ZNF69: variants seen among roughly 807,000 people sequenced by gnomAD.
The protein encoded by ZNF69 is zinc finger protein 69, also known as ZNF3.
ZNF69 carries 47 observed loss-of-function variants against 50.9 expected under a neutral mutation model. The ratio of observed to expected loss-of-function variants is 0.92; its 90% CI spans 0.73 to 1.18. The LOEUF (loss-of-function observed/expected upper bound fraction) is 1.18, where lower values mean the gene tolerates loss of function less well. Among genes scored for constraint, ZNF69 ranks in the 50% most tolerant of loss-of-function variants. The probability of loss-of-function intolerance (pLI) is 0.00; values close to 1 mark genes in which losing one functional copy is unlikely to be tolerated. For synonymous variants in ZNF69, 216 were observed against 223.1 expected, an observed-to-expected ratio of 0.97 and a Z score of 0.29; for missense variants, 717 against 675.1, an observed-to-expected ratio of 1.06 and a Z score of -0.69.
At chr19:11,898,557 A>G (rs1218225504) in intron 1 of ZNF69, among the ~76,000 whole-genome samples, 1 of 151,558 alleles carries the variant, frequency 6.6e-6, no homozygotes, top group African/African-American at 2.4e-5. Context: ...CACCCAACTA[A>G]TTTTTGTATT....
chr19:11,976,759 G>C, the ZNF69 span: 129 of 643,514 alleles, frequency 2.0e-4, no homozygotes, highest in South Asian at 3.2e-3. Context: ...CCAGCTACTC[G>C]GGAGGCTGAG....
the ZNF69 span, among the ~76,000 whole-genome samples, chr19:11,920,083 G>C: frequency 6.6e-6 from 1 of 151,376 alleles, no homozygotes; most frequent in Non-Finnish European, 1.5e-5. Context: ...ATAACGACTT[G>C]GGACAAAAAA....
the ZNF69 span, among the ~76,000 whole-genome samples, chr19:11,927,923 A>C: frequency 6.6e-6 from 1 of 152,150 alleles, no homozygotes; most frequent in South Asian, 2.1e-4. Flanking sequence ...CTGCTTCCCT[A>C]ACACTTGTAT....
chr19:11,953,092 T>C, the ZNF69 span: 1 of 151,940 alleles, frequency 6.6e-6, no homozygotes, highest in Non-Finnish European at 1.5e-5. Flanking sequence ...ACAAAAAAAA[T>C]TAAAAAAGAG....
chr19:11,942,019 G>A, the ZNF69 span, among the ~76,000 whole-genome samples: 1 of 152,068 alleles, frequency 6.6e-6, no homozygotes, highest in Admixed American at 6.6e-5. Context: ...TTGGCCTCTT[G>A]TGCACTTAGG....
chr19:11,897,304 G>A lies in ZNF69; in HGVS notation c.64-6269G>A, dbSNP rs141534056. ...CAAGGTGGCGGTGAGCCAAGATCAC[G>A]CCATTGCACTCCAGCCTGGGCAACA... On this transcript the variant is annotated intron_variant, in intron 1 of 3. Transcript: ENST00000429654. Among the ~76,000 whole-genome samples, 607 of 152,168 alleles carry A rather than the reference G, an allele frequency of 4.0e-3. 2 individuals carry two copies. The highest frequency in any genetic ancestry group is 0.014 in the African/African-American group (580 of 41,470).
chr19:11,978,213 A>G, the ZNF69 span: 2 of 1,613,668 alleles, frequency 1.2e-6, no homozygotes, highest in Non-Finnish European at 1.7e-6. Context: ...CTTCCAGGAG[A>G]AGAAAGCTTC....
At chr19:11,950,420 C>A in the ZNF69 span, 1 of 771,226 alleles carries the variant, frequency 1.3e-6, no homozygotes, top group Admixed American at 2.2e-5. Flanking sequence ...GCCTTCATTC[C>A]TTTTACTTCT....
chr19:11,923,468 C>G, the ZNF69 span, among the ~76,000 whole-genome samples: 5 of 152,226 alleles, frequency 3.3e-5, no homozygotes, highest in African/African-American at 1.2e-4. Context: ...GCCCCCATCT[C>G]TGCTCTCCCG....
chr19:11,957,093 T>C, the ZNF69 span, among the ~76,000 whole-genome samples: 1,966 of 148,108 alleles, frequency 0.013, 49 homozygotes, highest in African/African-American at 0.045. Context: ...AGAAATAAGT[T>C]TTTTTTTTTT....
At chr19:11,968,683 G>T in the ZNF69 span, among the ~76,000 whole-genome samples, 1 of 152,064 alleles carries the variant, frequency 6.6e-6, no homozygotes, top group Non-Finnish European at 1.5e-5. Flanking sequence ...TGGAGTCTTT[G>T]TGTGAGAAAG....
the ZNF69 span, chr19:11,976,993 C>A: frequency 6.2e-7 from 1 of 1,611,420 alleles, no homozygotes. Context: ...GCCCCCACTG[C>A]TGTCACTCTC....
At chr19:11,904,121 G>A (rs1043251861) in intron 3 of ZNF69, among the ~76,000 whole-genome samples, 156 bp downstream of exon 3, 13 of 152,322 alleles carry the variant, frequency 8.5e-5, no homozygotes, top group African/African-American at 3.1e-4. Context: ...GACCTAGGCT[G>A]TGGGCTCACT....
chr19:11,954,995 AATT>A, the ZNF69 span, among the ~76,000 whole-genome samples: 101 of 146,178 alleles, frequency 6.9e-4, no homozygotes, highest in African/African-American at 2.4e-3. Flanking sequence ...GTTTCAAAAA[AATT>A]TTTTTTTTTT....
the ZNF69 span, among the ~76,000 whole-genome samples, chr19:11,965,560 G>T: frequency 1.3e-5 from 2 of 152,236 alleles, no homozygotes; most frequent in Admixed American, 1.3e-4. Flanking sequence ...CGTGGGAGGA[G>T]CAGTGGTCTG....
the ZNF69 span, among the ~76,000 whole-genome samples, chr19:11,935,438 T>C: frequency 6.6e-6 from 1 of 151,910 alleles, no homozygotes; most frequent in Non-Finnish European, 1.5e-5. Flanking sequence ...GGTTTCACCA[T>C]GTTAGGCTGA....
chr19:11,913,390 T>C (rs754379663), intron 4 of ZNF69: 1 of 603,058 alleles, frequency 1.7e-6, no homozygotes, highest in South Asian at 1.9e-5. Flanking sequence ...TAATTTTTCT[T>C]ATCTTTTTTT....
chr19:11,898,385 CTTTTTTTTT>C (rs745487579), intron 1 of ZNF69, among the ~76,000 whole-genome samples: 6 of 91,876 alleles, frequency 6.5e-5, no homozygotes, highest in African/African-American at 1.4e-4. Context: ...TTCCTCCTGG[CTTTTTTTTT>C]TTTTTTTTTT....
At chr19:11,974,222 G>T in the ZNF69 span, among the ~76,000 whole-genome samples, 3,582 of 115,358 alleles carry the variant, frequency 0.031, 173 homozygotes, top group African/African-American at 0.1. Context: ...TTTGTTTTGT[G>T]TCTAGTTCTT....
Sources: allele counts gnomAD v4.1 joint callset (sites outside exome capture counted in the v4.1 genomes callset), GRCh38; gene constraint gnomAD v4.1.1; transcripts MANE v1.5; gene names NCBI Gene and HGNC (gene_info 2026-07-23, HGNC 2026-07-21).